The following UNC80 variants were observed in gnomAD, a reference collection of about 807,000 sequenced individuals.
The protein encoded by UNC80 is unc-80 subunit of NALCN channel complex.
A neutral mutation model predicts 384.6 loss-of-function variants in UNC80; 164 were observed. The observed-to-expected ratio is 0.43, with a 90% CI of 0.38 to 0.49. The LOEUF is 0.49. Among genes scored for constraint, UNC80 ranks in the 20% least tolerant of loss-of-function variants. The probability of loss-of-function intolerance (pLI) is 0.00; values close to 1 mark genes in which losing one functional copy is unlikely to be tolerated. For synonymous variants in UNC80, 1,486 were observed against 1,527.8 expected, an observed-to-expected ratio of 0.97 and a Z score of 0.64; for missense variants, 3,330 against 4,143.0, an observed-to-expected ratio of 0.80 and a Z score of 5.39.
intron 7 of UNC80, among the ~76,000 whole-genome samples, chr2:209,813,176 C>T (rs1197898609): frequency 6.6e-6 from 1 of 152,124 alleles, no homozygotes; most frequent in Non-Finnish European, 1.5e-5. Flanking sequence ...TTAATCTGAA[C>T]CTCATCTATT....
rs187711986 is a variant in UNC80, at chr2:209,958,700, T to A, written c.7551-419T>A. ...AGAAGAAAGAGGGCTTCTAAAGTCT[T>A]AGTATCCATGAATCATAAAGCAATA... is the stretch of plus-strand genomic sequence containing the variant. On this transcript the variant is annotated intron_variant, in intron 49 of 64. Transcript: ENST00000673920. Among the ~76,000 whole-genome samples, 6 of 152,304 alleles carry A rather than the reference T, an allele frequency of 3.9e-5. No homozygotes were observed. In the East Asian group the frequency reaches 1.2e-3, roughly 29 times the overall value.
rs1347500164 is a variant in UNC80, at chr2:209,996,195, T to C, written c.*600T>C. ...ATAGAGAGCTGTGGACTTTTAGATA[T>C]TTATTTTTCAACTATCATTTTCATT... On this transcript the variant is annotated 3_prime_UTR_variant, in exon 65 of 65. Transcript: ENST00000673920. The C allele has an allele frequency of 6.6e-6, 1 of 152,250 alleles. No homozygotes were observed. The highest frequency in any genetic ancestry group is 2.4e-5 in the African/African-American group (1 of 41,454). 9.4% of individuals were successfully genotyped at this position (152,250 alleles called of 1,614,324 possible).
Position 209,842,330 on chromosome 2 carries a change from C to CT in UNC80, c.3358-11dup, listed in dbSNP as rs751700237. Reference sequence around the variant, plus strand: ...CTTTGAATCTTATCTCTCTACTTTCCTTTTTTTTTCTTTTTTCAGGTCAAA... The same window carrying CT: ...CTTTGAATCTTATCTCTCTACTTTCCTTTTTTTTTTCTTTTTTCAGGTCAAA... On this transcript the variant is annotated intron_variant, in intron 20 of 64. Coordinates refer to ENST00000673920, the MANE Select transcript of UNC80 (RefSeq NM_001371986.1). 1,413 of 1,477,272 alleles carry CT rather than the reference C, an allele frequency of 9.6e-4. No homozygotes were observed. The highest frequency in any genetic ancestry group is 1.2e-3 in the Middle Eastern group (7 of 5,756). 91.5% of individuals were successfully genotyped at this position (1,477,272 alleles called of 1,614,324 possible).
At chr2:209,978,109 G>A (rs564058482) in intron 58 of UNC80, among the ~76,000 whole-genome samples, 5 of 152,074 alleles carry the variant, frequency 3.3e-5, no homozygotes, top group African/African-American at 9.7e-5. Flanking sequence ...ATTATGCATC[G>A]CGGGGTTCAC....
At position 209,941,437 on chromosome 2, in the gene UNC80, A is replaced by G; in HGVS notation, c.6863A>G (p.Asn2288Ser). Residue 2288 changes from asparagine to serine, a missense_variant, in exon 44 of 65, where the codon AAC becomes AGC. Physicochemically the swap from Asn to Ser is conservative, Grantham distance 46. This residue lies in a region of UNC80 where 1,049 missense variants were observed against 1,488.6 expected (regional missense o/e 0.70). Coordinates refer to ENST00000673920, the MANE Select transcript of UNC80 (RefSeq NM_001371986.1). ...ATVINTAVHF[N>S]HLFSLSGYQW... is the part of the protein sequence containing the mutation. ...GTCATCAACACCGCGGTGCACTTCA[A>G]CCACCTCTTCTCTCTCAGCGGCTAC... 6.5e-7 allele frequency: 1 copy of G among 1,545,896 alleles called. No individual in the cohort carries two copies. The highest frequency in any genetic ancestry group is 8.8e-7 in the Non-Finnish European group (1 of 1,142,236).
intron 31 of UNC80, among the ~76,000 whole-genome samples, chr2:209,915,104 C>A (rs373081660): frequency 1.3e-5 from 2 of 151,424 alleles, no homozygotes; most frequent in African/African-American, 4.8e-5. Flanking sequence ...AACAGGTGGA[C>A]GGGGCTTTAA....
chr2:209,787,225 T>G (rs2077499896), intron 5 of UNC80, among the ~76,000 whole-genome samples: 1 of 117,680 alleles, frequency 8.5e-6, no homozygotes, highest in African/African-American at 4.4e-5. Flanking sequence ...TAAATCACCT[T>G]CCTTCTCGGC....
intron 47 of UNC80, among the ~76,000 whole-genome samples, chr2:209,950,183 T>C (rs1341840829): frequency 1.3e-5 from 2 of 152,202 alleles, no homozygotes; most frequent in Non-Finnish European, 2.9e-5. Flanking sequence ...TACACAAAAC[T>C]GTAAGTAATG....
In UNC80 at chr2:209,917,903, G is replaced by A. The variant is rs1229017292; in HGVS notation, c.5156G>A (p.Arg1719Lys). The change falls in exon 32 of 65, where the codon AGG becomes AAG. Residue 1719 changes from arginine (R) to lysine (K), a missense_variant. Arg to Lys is a conservative substitution (Grantham distance 26). Coordinates refer to ENST00000673920, the MANE Select transcript of UNC80 (RefSeq NM_001371986.1). ...NAVLKFHTLW[R>K]FRYQVWPRME... Reference sequence around the variant, plus strand: ...GTCCTCAAGTTCCACACGCTCTGGAGGTTTCGCTATCAGGTCTGGCCCCGG... The same window carrying A: ...GTCCTCAAGTTCCACACGCTCTGGAAGTTTCGCTATCAGGTCTGGCCCCGG... 4 of 1,551,758 alleles carry A rather than the reference G, an allele frequency of 2.6e-6. No individual in the cohort carries two copies. Among genetic ancestry groups the A allele is most frequent in the Admixed American group, 3.9e-5 (2 of 51,008 alleles).
At chr2:209,939,705 G>T (rs796904481) in intron 43 of UNC80, 53 bp downstream of exon 43, 16 of 1,407,768 alleles carry the variant, frequency 1.1e-5, no homozygotes, top group Middle Eastern at 2.3e-4. Context: ...CACACTTGTT[G>T]TTTTTTTTTA....
chr2:209,828,759 G>C (rs2080734535), intron 14 of UNC80, among the ~76,000 whole-genome samples: 1 of 152,022 alleles, frequency 6.6e-6, no homozygotes, highest in South Asian at 2.1e-4. Flanking sequence ...TCAACCCAGA[G>C]ACTTCGGTCA....
At chr2:209,850,099 A>G (rs1246025783) in intron 22 of UNC80, among the ~76,000 whole-genome samples, 1 of 152,086 alleles carries the variant, frequency 6.6e-6, no homozygotes, top group Non-Finnish European at 1.5e-5. Context: ...TTCATTATCC[A>G]TCAATTGGAG....
chr2:209,854,081 T>G (rs2082717839), intron 22 of UNC80, among the ~76,000 whole-genome samples: 1 of 152,132 alleles, frequency 6.6e-6, no homozygotes, highest in Non-Finnish European at 1.5e-5. Context: ...TCACACTTAC[T>G]TCCAGGCTTA....
In UNC80 at chr2:209,878,230, C is replaced by T. The variant is rs773493086; in HGVS notation, c.3976+141C>T. 206 of 899,320 alleles carry T rather than the reference C, an allele frequency of 2.3e-4. No homozygotes were observed. The Middle Eastern group carries it at 7.4e-3, about 32-fold the overall frequency. 55.7% of individuals were successfully genotyped at this position (899,320 alleles called of 1,614,324 possible). ...TGCTCCTTCTCCCCTTTTCCCTGTG[C>T]ATGGGTGTAAAGCATGTGCATAAAG... On this transcript the variant is annotated intron_variant, in intron 24 of 64. Coordinates refer to ENST00000673920, the MANE Select transcript of UNC80 (RefSeq NM_001371986.1).
chr2:209,971,010 C>T (rs2092868152), intron 54 of UNC80, 53 bp downstream of exon 54: 2 of 1,525,848 alleles, frequency 1.3e-6, no homozygotes, highest in South Asian at 1.3e-5. Flanking sequence ...GTTGAGGCAC[C>T]AGATCATGGT....
At chr2:209,968,603 A>G (rs1179979599) in intron 52 of UNC80, 1 of 152,106 alleles carries the variant, frequency 6.6e-6, no homozygotes, top group Non-Finnish European at 1.5e-5. Context: ...TTTCAAGGTT[A>G]TTTATTTCAA....
At chr2:209,940,938 A>G (rs1484764014) in intron 43 of UNC80, among the ~76,000 whole-genome samples, 2 of 152,204 alleles carry the variant, frequency 1.3e-5, no homozygotes, top group African/African-American at 2.4e-5. Flanking sequence ...AGCTGAAATA[A>G]TTTATTTTTC....
At chr2:209,923,995 C>T (rs1267347742) in intron 35 of UNC80, among the ~76,000 whole-genome samples, 3 of 151,892 alleles carry the variant, frequency 2.0e-5, no homozygotes, top group Admixed American at 1.3e-4. Flanking sequence ...ATATCTTTAT[C>T]TTATAATAAC....
At chr2:209,930,907 A>T in intron 37 of UNC80, 61 bp from the exon 38 acceptor site, 1 of 1,239,132 alleles carries the variant, frequency 8.1e-7, no homozygotes, top group Non-Finnish European at 1.1e-6. Flanking sequence ...TCAAGAAGTT[A>T]ATTTTATTTT....
Sources: allele counts gnomAD v4.1 joint callset (sites outside exome capture counted in the v4.1 genomes callset), GRCh38; gene constraint gnomAD v4.1.1; regional missense constraint gnomAD v4.1.1; transcripts MANE v1.5; gene names NCBI Gene and HGNC (gene_info 2026-07-23, HGNC 2026-07-21).